Variants in NELL1 observed in about 807,000 individuals in gnomAD.
NELL1 encodes the protein neural EGFL like 1.
In NELL1, 76 loss-of-function variants were observed where a neutral mutation model predicts 107.4. That is an observed-to-expected ratio of 0.71 (90% confidence interval 0.59 to 0.86). The LOEUF (loss-of-function observed/expected upper bound fraction) is 0.86. Among genes scored for constraint, NELL1 ranks in the 40% least tolerant of loss-of-function variants. The pLI is 0.00. For synonymous variants in NELL1, 353 were observed against 341.2 expected (o/e 1.03, Z -0.38); for missense variants, 1,024 against 1,005.5 (o/e 1.02, Z -0.25).
At chr11:20,830,020 T>A (rs1857973358) in intron 3 of NELL1, among the ~76,000 whole-genome samples, 1 of 152,060 alleles carries the variant, frequency 6.6e-6, no homozygotes, top group African/African-American at 2.4e-5. Context: ...ATGCCTGTAA[T>A]CCCCCCACCT....
At chr11:21,219,853 G>A (rs1857709857) in intron 13 of NELL1, among the ~76,000 whole-genome samples, 1 of 152,146 alleles carries the variant, frequency 6.6e-6, no homozygotes, top group African/African-American at 2.4e-5. Flanking sequence ...AAAGAAAAGA[G>A]GTTTCATTGA....
chr11:21,532,297 T>C (rs910790335), intron 15 of NELL1, among the ~76,000 whole-genome samples: 2 of 152,216 alleles, frequency 1.3e-5, no homozygotes, highest in Non-Finnish European at 2.9e-5. Flanking sequence ...ACTTCTGCCC[T>C]GCTGAATCAT....
At chr11:20,869,256 T>C (rs192349933) in intron 4 of NELL1, among the ~76,000 whole-genome samples, 9 of 152,280 alleles carry the variant, frequency 5.9e-5, no homozygotes, top group African/African-American at 2.2e-4. Flanking sequence ...GAGAGCATTG[T>C]TTATGATATC....
rs115199854 is a variant in NELL1, at chr11:21,528,600, C to T, written c.1646-5774C>T. On this transcript the variant is annotated intron_variant, in intron 15 of 19. Transcript: ENST00000357134. ...GCTACCTAATCTTGGACTTTTCAGTCACCAGGATCATGAGCAAAATAAATC... is the reference window on the plus strand; with the variant it reads ...GCTACCTAATCTTGGACTTTTCAGTTACCAGGATCATGAGCAAAATAAATC... Among the ~76,000 whole-genome samples the T allele has an allele frequency of 9.8e-3, 1,422 of 145,842 alleles. 20 individuals are homozygous for T. The highest frequency in any genetic ancestry group is 0.034 in the African/African-American group (1,355 of 39,638).
intron 15 of NELL1, among the ~76,000 whole-genome samples, chr11:21,489,730 T>G (rs1854749773): frequency 6.6e-6 from 1 of 152,086 alleles, no homozygotes; most frequent in Non-Finnish European, 1.5e-5. Flanking sequence ...GAAAAATCAT[T>G]TGATAAAATG....
chr11:21,009,563 T>C (rs1335002048), intron 12 of NELL1, among the ~76,000 whole-genome samples: 2 of 151,994 alleles, frequency 1.3e-5, no homozygotes, highest in Admixed American at 1.3e-4. Context: ...GCATTTCTTC[T>C]GCTTGAAATC....
At chr11:20,691,893 G>A (rs1044381030) in intron 2 of NELL1, among the ~76,000 whole-genome samples, 1 of 152,086 alleles carries the variant, frequency 6.6e-6, no homozygotes, top group African/African-American at 2.4e-5. Flanking sequence ...GGTAGAATTC[G>A]GCCATGAATC....
chr11:21,124,463 A>G (rs572673596), intron 13 of NELL1, among the ~76,000 whole-genome samples: 14 of 152,180 alleles, frequency 9.2e-5, no homozygotes, highest in Non-Finnish European at 1.9e-4. Context: ...GTCTTAATTC[A>G]GGCAGCTGTA....
chr11:21,365,203 A>C (rs1851191660), intron 14 of NELL1, among the ~76,000 whole-genome samples: 1 of 152,058 alleles, frequency 6.6e-6, no homozygotes, highest in South Asian at 2.1e-4. Context: ...CTGCTATTCC[A>C]CTATGAGATT....
At chr11:20,815,566 A>G (rs1390601612) in intron 3 of NELL1, among the ~76,000 whole-genome samples, 1 of 152,110 alleles carries the variant, frequency 6.6e-6, no homozygotes. Context: ...CCATTGTTAG[A>G]TACATAGTTT....
chr11:21,268,827 A>G (rs1848684120), intron 14 of NELL1, among the ~76,000 whole-genome samples: 1 of 152,174 alleles, frequency 6.6e-6, no homozygotes, highest in Non-Finnish European at 1.5e-5. Flanking sequence ...CCAGACTCAG[A>G]TGTGGCAGGA....
chr11:20,753,475 C>A (rs180848224), intron 2 of NELL1, among the ~76,000 whole-genome samples: 183 of 152,246 alleles, frequency 1.2e-3, no homozygotes, highest in Non-Finnish European at 2.2e-3. Flanking sequence ...GGAATCAGTT[C>A]AGTTTGGTCT....
chr11:20,812,190 A>G (rs1002281126), intron 3 of NELL1, among the ~76,000 whole-genome samples: 4 of 152,178 alleles, frequency 2.6e-5, no homozygotes, highest in Admixed American at 2.6e-4. Flanking sequence ...ATCTATTGAG[A>G]TGATCATATT....
intron 10 of NELL1, 107 bp downstream of exon 10, chr11:20,937,966 C>G: frequency 9.7e-7 from 1 of 1,036,104 alleles, no homozygotes; most frequent in African/African-American, 1.6e-5. Flanking sequence ...GATAGGGCCC[C>G]GAGGGGTGGA....
At chr11:20,896,480 G>A (rs1849741083) in intron 5 of NELL1, among the ~76,000 whole-genome samples, 1 of 152,052 alleles carries the variant, frequency 6.6e-6, no homozygotes, top group Non-Finnish European at 1.5e-5. Flanking sequence ...TTTCTTCTTG[G>A]TAGATACCCA....
intron 14 of NELL1, among the ~76,000 whole-genome samples, chr11:21,294,232 T>C (rs1432646768): frequency 2.6e-5 from 4 of 152,136 alleles, no homozygotes; most frequent in African/African-American, 7.2e-5. Context: ...TCTGTCCCCA[T>C]AGTGTACCCT....
At chr11:21,080,907 A>G (rs1218968815) in intron 12 of NELL1, among the ~76,000 whole-genome samples, 8 of 151,976 alleles carry the variant, frequency 5.3e-5, no homozygotes, top group East Asian at 1.9e-4. Flanking sequence ...ACACACACAC[A>G]CGCACACACA....
At chr11:21,557,516 G>A (rs999816014) in intron 16 of NELL1, among the ~76,000 whole-genome samples, 3 of 152,000 alleles carry the variant, frequency 2.0e-5, no homozygotes, top group African/African-American at 7.2e-5. Flanking sequence ...CACTGGTGGT[G>A]GATGGGTTGA....
chr11:21,371,275 A>G (rs1378680765), intron 15 of NELL1, among the ~76,000 whole-genome samples: 2 of 152,132 alleles, frequency 1.3e-5, no homozygotes, highest in Admixed American at 6.6e-5. Context: ...ACTGGGTAGC[A>G]TCACACACAG....
Sources: allele counts gnomAD v4.1 joint callset (sites outside exome capture counted in the v4.1 genomes callset), GRCh38; gene constraint gnomAD v4.1.1; transcripts MANE v1.5; gene names NCBI Gene and HGNC (gene_info 2026-07-23, HGNC 2026-07-21).